Variants in CACNA1C observed in about 807,000 individuals in gnomAD.
The protein encoded by CACNA1C is voltage-dependent L-type calcium channel subunit alpha-1C.
In CACNA1C, 30 loss-of-function variants were observed where a neutral mutation model predicts 229.0. That is an observed-to-expected ratio of 0.13 (90% CI 0.10 to 0.18). The LOEUF is 0.18. CACNA1C is among the 10% of genes least tolerant of loss of function. The pLI, the probability that CACNA1C is intolerant of heterozygous loss-of-function variation, is 1.00. For synonymous variants in CACNA1C, 1,114 were observed against 1,132.5 expected (o/e 0.98, Z 0.33); for missense variants, 1,658 against 2,845.0 (o/e 0.58, Z 9.49).
chr12:2,252,171 C>T (rs1458126192), intron 3 of CACNA1C, among the ~76,000 whole-genome samples: 2 of 152,190 alleles, frequency 1.3e-5, no homozygotes, highest in Non-Finnish European at 1.5e-5. Flanking sequence ...GCTCCTGCTG[C>T]GGTTAAAATG....
At chr12:2,606,961 A>G (rs928843802) in intron 25 of CACNA1C, 23 bp from the exon 26 acceptor site, 1 of 1,611,618 alleles carries the variant, frequency 6.2e-7, no homozygotes, top group African/African-American at 1.3e-5. Flanking sequence ...TCCCAGAGTA[A>G]ACTCCTTCTC....
chr12:2,652,715 C>A (rs1026590425), intron 32 of CACNA1C, among the ~76,000 whole-genome samples: 2 of 152,248 alleles, frequency 1.3e-5, no homozygotes, highest in Admixed American at 1.3e-4. Context: ...CTCGAGGGAG[C>A]TCCCAATGGC....
chr12:2,251,811 C>T (rs537377447), intron 3 of CACNA1C, among the ~76,000 whole-genome samples: 106 of 152,248 alleles, frequency 7.0e-4, no homozygotes, highest in Middle Eastern at 3.4e-3. Flanking sequence ...GAGGCTGGGG[C>T]GAGAGGTGGG....
rs2097674070 is a variant in CACNA1C at position 2,689,033 on chromosome 12, T to C, written c.6117+254T>C. On this transcript the variant is annotated intron_variant, in intron 46 of 46. Transcript: ENST00000399655. This position sits in a 1 kb window ranked among gnomAD's most constrained non-coding sequence, Gnocchi z 4.2. ...AAACCACTGAGCAACTTATCCCTTA[T>C]ACTGCAGCTGCTCGACATGCAAATG... Among the ~76,000 whole-genome samples the C allele has an allele frequency of 1.3e-5, 2 of 152,180 alleles. No homozygotes were observed. Among genetic ancestry groups the C allele is most frequent in the African/African-American group, 4.8e-5 (2 of 41,446 alleles).
In CACNA1C at chr12:2,053,411, G is replaced by A. The variant is rs1428986571; in HGVS notation, c.-152G>A. The A allele has an allele frequency of 7.1e-7, 1 of 1,407,726 alleles. No homozygotes were observed. Among genetic ancestry groups the A allele is most frequent in the Non-Finnish European group, 9.3e-7 (1 of 1,075,678 alleles). 87.2% of individuals were successfully genotyped at this position (1,407,726 alleles called of 1,614,324 possible). On this transcript the variant is annotated 5_prime_UTR_variant, in exon 1 of 47. Coordinates refer to ENST00000399655, the MANE Select transcript of CACNA1C (RefSeq NM_000719.7). This position sits in a 1 kb window ranked among gnomAD's most constrained non-coding sequence, Gnocchi z 5.8. ...TAATGGGAATCAGGTAATCGTCGGC[G>A]GGGAAGAAGAAACGCTGCAGACCAC...
At chr12:2,247,924 A>C (rs1156392299) in intron 3 of CACNA1C, among the ~76,000 whole-genome samples, 1 of 152,240 alleles carries the variant, frequency 6.6e-6, no homozygotes, top group Non-Finnish European at 1.5e-5. Flanking sequence ...GAGGGGGGAC[A>C]GGTGGCTGAG....
intron 1 of CACNA1C, among the ~76,000 whole-genome samples, chr12:1,996,635 AAAAAAAAAAAAAAAAAAAAACAAC>A (rs1191159853): frequency 5.8e-5 from 6 of 103,588 alleles, no homozygotes; most frequent in African/African-American, 1.1e-4. Flanking sequence ...AAAAAAAAAA[AAAAAAAAAAAAAAAAAAAAACAAC>A]AAACTCTTCT....
intron 1 of CACNA1C, among the ~76,000 whole-genome samples, chr12:2,057,397 G>A (rs997257245): frequency 6.6e-5 from 10 of 152,212 alleles, no homozygotes; most frequent in East Asian, 1.9e-4. Flanking sequence ...AGTAGGTGGC[G>A]CCACAGGGCT....
At chr12:2,340,389 A>G (rs749536880) in intron 3 of CACNA1C, among the ~76,000 whole-genome samples, 2 of 152,230 alleles carry the variant, frequency 1.3e-5, no homozygotes. Context: ...ACCCATGCCA[A>G]CAGGCTGAGC....
At chr12:2,379,073 C>T (rs767609521) in intron 3 of CACNA1C, among the ~76,000 whole-genome samples, 9 of 152,174 alleles carry the variant, frequency 5.9e-5, no homozygotes, top group Non-Finnish European at 8.8e-5. Flanking sequence ...TATTTCAGTT[C>T]CTTTTTGGTT....
chr12:2,197,468 A>G (rs549208803), intron 3 of CACNA1C, among the ~76,000 whole-genome samples: 2 of 152,338 alleles, frequency 1.3e-5, no homozygotes, highest in African/African-American at 2.4e-5. Context: ...TTAAAAATTA[A>G]GACTCAGTGA....
At chr12:2,102,752 G>A (rs1032305122) in intron 1 of CACNA1C, among the ~76,000 whole-genome samples, 1 of 152,092 alleles carries the variant, frequency 6.6e-6, no homozygotes, top group African/African-American at 2.4e-5. Flanking sequence ...CTCCCCGAAA[G>A]GCCCTGGTGT....
intron 22 of CACNA1C, among the ~76,000 whole-genome samples, chr12:2,603,014 T>A (rs2073512265): frequency 1.3e-5 from 2 of 152,182 alleles, no homozygotes. Flanking sequence ...CCAGCGTTCC[T>A]GGGTCTCTCC....
intron 3 of CACNA1C, among the ~76,000 whole-genome samples, chr12:2,439,419 CT>C (rs1265538010): frequency 6.6e-6 from 1 of 152,206 alleles, no homozygotes; most frequent in Non-Finnish European, 1.5e-5. Flanking sequence ...ACCGCATTGG[CT>C]TCTCATCCCC....
intron 5 of CACNA1C, among the ~76,000 whole-genome samples, chr12:2,475,579 A>T (rs2154568662): frequency 6.6e-6 from 1 of 152,346 alleles, no homozygotes; most frequent in East Asian, 1.9e-4. Flanking sequence ...ACAATCACTG[A>T]AATGAAAAAG....
At chr12:2,119,950 C>T (rs374169043) in intron 2 of CACNA1C, among the ~76,000 whole-genome samples, 4 of 152,370 alleles carry the variant, frequency 2.6e-5, no homozygotes, top group South Asian at 2.1e-4. Flanking sequence ...ACAGGCCGTT[C>T]GGCATAAACT....
chr12:2,396,158 G>A (rs1357250959), intron 3 of CACNA1C, among the ~76,000 whole-genome samples: 1 of 152,066 alleles, frequency 6.6e-6, no homozygotes, highest in East Asian at 1.9e-4. Flanking sequence ...CACTCTGATG[G>A]TCTTTTAGGG....
chr12:2,528,149 A>G (rs1333647849), intron 9 of CACNA1C, among the ~76,000 whole-genome samples: 1 of 152,310 alleles, frequency 6.6e-6, no homozygotes, highest in Non-Finnish European at 1.5e-5. Context: ...GTCGTGTGCT[A>G]TACAGGAACT....
intron 8 of CACNA1C, among the ~76,000 whole-genome samples, chr12:2,509,162 C>A (rs1043560454): frequency 6.6e-6 from 1 of 152,098 alleles, no homozygotes; most frequent in Non-Finnish European, 1.5e-5. Context: ...GCAGAGGACC[C>A]GGGAGGTAGG....
Sources: gnomAD v4.1 joint callset for allele counts (sites outside exome capture counted in the v4.1 genomes callset) on GRCh38, gnomAD v4.1.1 for gene constraint, Gnocchi (gnomAD v3.1) non-coding constraint, MANE v1.5 for transcripts, NCBI Gene and HGNC (gene_info 2026-07-23, HGNC 2026-07-21) for gene names.